Variants in NT5DC1 observed in about 807,000 individuals in gnomAD.
The protein encoded by NT5DC1 is 5'-nucleotidase domain containing 1.
NT5DC1 carries 42 observed loss-of-function variants against 59.4 expected under a neutral mutation model. The ratio of observed to expected loss-of-function variants is 0.71; its 90% CI spans 0.55 to 0.92. NT5DC1 has a LOEUF of 0.92. NT5DC1 is among the 40% of genes least tolerant of loss of function. The probability of loss-of-function intolerance (pLI) is 0.00; values close to 1 mark genes in which losing one functional copy is unlikely to be tolerated. For synonymous variants in NT5DC1, 172 were observed against 188.1 expected (o/e 0.91, Z 0.70); for missense variants, 501 against 537.1 (o/e 0.93, Z 0.66).
chr6:116,155,773 G>T (rs866615757), intron 6 of NT5DC1, among the ~76,000 whole-genome samples: 2 of 141,398 alleles, frequency 1.4e-5, no homozygotes, highest in African/African-American at 2.6e-5. Context: ...AAAAAAAAAA[G>T]AGGGAGGAAG....
chr6:116,119,769 T>G, intron 6 of NT5DC1: 3 of 243,626 alleles, frequency 1.2e-5, no homozygotes, highest in Non-Finnish European at 2.4e-5. Flanking sequence ...TTTTTTTTTG[T>G]TGTTTGTTTT....
intron 8 of NT5DC1, among the ~76,000 whole-genome samples, chr6:116,228,831 C>G (rs2114549789): frequency 6.6e-6 from 1 of 152,238 alleles, no homozygotes; most frequent in East Asian, 1.9e-4. Flanking sequence ...TTTCTGCTAC[C>G]TTTCTCTTTT....
intron 6 of NT5DC1, among the ~76,000 whole-genome samples, chr6:116,193,980 C>T (rs1781176258): frequency 6.6e-6 from 1 of 151,926 alleles, no homozygotes; most frequent in African/African-American, 2.4e-5. Flanking sequence ...GGGAGGACCA[C>T]CTAAGCCCAG....
intron 8 of NT5DC1, among the ~76,000 whole-genome samples, chr6:116,229,487 A>G (rs1339106266): frequency 6.6e-6 from 1 of 152,170 alleles, no homozygotes; most frequent in Non-Finnish European, 1.5e-5. Flanking sequence ...TGCTGATGCC[A>G]GTGTCAGTCA....
At chr6:116,135,911 C>G (rs958696078) in intron 6 of NT5DC1, among the ~76,000 whole-genome samples, 3 of 144,782 alleles carry the variant, frequency 2.1e-5, no homozygotes, top group African/African-American at 7.7e-5. Context: ...TTACCACAAT[C>G]AAGCTAATTA....
chr6:116,106,943 C>A (rs946323293), intron 2 of NT5DC1, among the ~76,000 whole-genome samples: 1 of 152,114 alleles, frequency 6.6e-6, no homozygotes, highest in Non-Finnish European at 1.5e-5. Context: ...GTAATCCCAG[C>A]ACTTTGGGAG....
In NT5DC1 at chr6:116,248,442, T is replaced by G. The variant is rs368748991; in HGVS notation, c.*4418T>G. Reference sequence around the variant, plus strand: ...GACAGGGACTCAGTAATTAAAAATATAGGCAAGGGTTTGTTTTGGTTTTTG... The same window carrying G: ...GACAGGGACTCAGTAATTAAAAATAGAGGCAAGGGTTTGTTTTGGTTTTTG... On this transcript the variant is annotated 3_prime_UTR_variant, in exon 12 of 12. Coordinates refer to ENST00000319550, the MANE Select transcript of NT5DC1 (RefSeq NM_152729.3). 6.6e-6 allele frequency: 1 copy of G among 152,168 alleles called. No homozygotes were observed. The highest frequency in any genetic ancestry group is 1.5e-5 in the Non-Finnish European group (1 of 68,020). The allele number at this position is 152,168 out of a possible 1,614,324, so 9.4% of individuals were successfully genotyped here.
At chr6:116,109,537 A>G (rs1999658) in intron 3 of NT5DC1, among the ~76,000 whole-genome samples, 9,619 of 152,248 alleles carry the variant, frequency 0.063, 509 homozygotes, top group African/African-American at 0.15. Flanking sequence ...TCCTTGTCCC[A>G]GTACCCCTCC....
At chr6:116,172,957 ATTATAT>A (rs1320984725) in intron 6 of NT5DC1, among the ~76,000 whole-genome samples, 24 of 152,296 alleles carry the variant, frequency 1.6e-4, no homozygotes, top group African/African-American at 4.1e-4. Flanking sequence ...TTAGGATAAA[ATTATAT>A]TTATATCTTG....
chr6:116,154,377 C>A (rs1369582472), intron 6 of NT5DC1, among the ~76,000 whole-genome samples: 1 of 152,054 alleles, frequency 6.6e-6, no homozygotes, highest in African/African-American at 2.4e-5. Context: ...ACCCAGTTTC[C>A]CCTCAGAAGG....
chr6:116,122,042 G>A, intron 6 of NT5DC1: 1 of 1,162,472 alleles, frequency 8.6e-7, no homozygotes, highest in Middle Eastern at 2.4e-4. Flanking sequence ...TTCAAACTAT[G>A]AATTGGGACA....
intron 6 of NT5DC1, among the ~76,000 whole-genome samples, chr6:116,131,398 A>G (rs12209747): frequency 0.19 from 28,917 of 152,140 alleles, 3,360 homozygotes; most frequent in Middle Eastern, 0.34. Context: ...TAAAAAATGT[A>G]TTATTCATTT....
At chr6:116,103,135 G>GT in intron 1 of NT5DC1, among the ~76,000 whole-genome samples, 1 of 152,302 alleles carries the variant, frequency 6.6e-6, no homozygotes, top group Middle Eastern at 3.4e-3. Context: ...ATCAGTATCT[G>GT]TGACAGTTTC....
chr6:116,239,987 TAAG>T (rs1327556467), intron 11 of NT5DC1, among the ~76,000 whole-genome samples: 3 of 152,056 alleles, frequency 2.0e-5, no homozygotes, highest in South Asian at 2.1e-4. Flanking sequence ...AAAATGAAAT[TAAG>T]AACTTAACAG....
chr6:116,126,676 C>G (rs916123658), intron 6 of NT5DC1, among the ~76,000 whole-genome samples: 13 of 152,126 alleles, frequency 8.5e-5, no homozygotes, highest in African/African-American at 2.9e-4. Flanking sequence ...ATTCACAACA[C>G]TACGCTATAT....
At chr6:116,155,074 G>A (rs1273282271) in intron 6 of NT5DC1, among the ~76,000 whole-genome samples, 1 of 152,134 alleles carries the variant, frequency 6.6e-6, no homozygotes, top group Non-Finnish European at 1.5e-5. Context: ...TTAATATTAG[G>A]CTGGTGCAAA....
chr6:116,168,440 T>C lies in NT5DC1; in HGVS notation c.529+50495T>C, dbSNP rs1334508638. Reference sequence around the variant, plus strand: ...TTTTCAGTTCTAGAATTCCATTTAGTTCTTTTTCTATTTTTCAATTCTCTG... The same window carrying C: ...TTTTCAGTTCTAGAATTCCATTTAGCTCTTTTTCTATTTTTCAATTCTCTG... On this transcript the variant is annotated intron_variant, in intron 6 of 11. Coordinates refer to ENST00000319550, the MANE Select transcript of NT5DC1 (RefSeq NM_152729.3). Among the ~76,000 whole-genome samples the C allele has an allele frequency of 2.0e-5, 3 of 152,206 alleles. No individual in the cohort carries two copies. In the East Asian group the frequency reaches 5.8e-4, roughly 29 times the overall value.
intron 6 of NT5DC1, among the ~76,000 whole-genome samples, chr6:116,172,354 C>T (rs1277653360): frequency 3.7e-5 from 5 of 134,990 alleles, no homozygotes. Context: ...TAGAGTCTCG[C>T]TCTGTTGCCC....
At chr6:116,177,662 G>A (rs1194455693) in intron 6 of NT5DC1, among the ~76,000 whole-genome samples, 5 of 152,024 alleles carry the variant, frequency 3.3e-5, no homozygotes, top group South Asian at 2.1e-4. Context: ...CTAAAAATTC[G>A]TGGATATAAG....
Sources: allele counts gnomAD v4.1 joint callset (sites outside exome capture counted in the v4.1 genomes callset), GRCh38; gene constraint gnomAD v4.1.1; transcripts MANE v1.5; gene names NCBI Gene and HGNC (gene_info 2026-07-23, HGNC 2026-07-21).